The following ASS1 variants were observed in gnomAD, a reference collection of about 807,000 sequenced individuals.
ASS1 encodes the protein argininosuccinate synthase 1.
Under a neutral mutation model 60.5 loss-of-function variants are expected in ASS1, and 58 were observed. The observed-to-expected ratio is 0.96, with a 90% CI of 0.78 to 1.19. The LOEUF (loss-of-function observed/expected upper bound fraction) is 1.19. Among genes scored for constraint, ASS1 ranks in the 50% most tolerant of loss-of-function variants. ASS1 has a pLI of 0.00. For missense variants in ASS1, 454 were observed against 547.3 expected (o/e 0.83, Z 1.70); for synonymous variants, 200 against 206.9 (o/e 0.97, Z 0.29).
chr9:130,475,917 C>T (rs1173312354), intron 8 of ASS1, among the ~76,000 whole-genome samples: 1 of 151,980 alleles, frequency 6.6e-6, no homozygotes, highest in African/African-American at 2.4e-5. Flanking sequence ...CCGCCATACC[C>T]GGATAATTTC....
intron 4 of ASS1, among the ~76,000 whole-genome samples, chr9:130,462,175 C>T (rs1248259278): frequency 6.6e-6 from 1 of 152,116 alleles, no homozygotes; most frequent in African/African-American, 2.4e-5. Context: ...GAAGAGGGGC[C>T]TGGAAATATG....
At chr9:130,469,935 A>G (rs528465164) in intron 6 of ASS1, among the ~76,000 whole-genome samples, 2 of 152,230 alleles carry the variant, frequency 1.3e-5, no homozygotes, top group East Asian at 3.9e-4. Context: ...CAGAGCATCC[A>G]GTCTCGCTGG....
In ASS1 at chr9:130,477,057, C is replaced by T. The variant is rs1341285665; in HGVS notation, c.688+96C>T. ...TGGGAACCTAGGCCCTCTTTACCCC[C>T]GCCCTGCATTCCTGGAAGCTAGAGT... On this transcript the variant is annotated intron_variant, in intron 9 of 14. Coordinates refer to ENST00000352480, the MANE Select transcript of ASS1 (RefSeq NM_054012.4). This position sits in a 1 kb window ranked among gnomAD's most constrained non-coding sequence, Gnocchi z 4.2. 7 of 1,285,914 alleles carry T rather than the reference C, an allele frequency of 5.4e-6. No homozygotes were observed. The highest frequency in any genetic ancestry group is 1.8e-4 in the Middle Eastern group (1 of 5,426). The allele number at this position is 1,285,914 out of a possible 1,614,324, so 79.7% of individuals were successfully genotyped here. A position where few individuals can be genotyped will look rare whatever the true frequency, so the allele number is the denominator to read the frequency against.
chr9:130,456,209 T>C (rs1393573881), intron 3 of ASS1, among the ~76,000 whole-genome samples: 1 of 152,248 alleles, frequency 6.6e-6, no homozygotes, highest in Non-Finnish European at 1.5e-5. Context: ...CTCACGCCTG[T>C]AATCCCAGCA....
chr9:130,466,697 C>T lies in ASS1; in HGVS notation c.421-28C>T, dbSNP rs76169404. 1.6e-3 allele frequency: 2,547 copies of T among 1,610,460 alleles called. 43 individuals carry two copies. The East Asian group carries it at 0.035, about 22-fold the overall frequency. ...GGGGAAGCCCACAGCTCGGCCCTCC[C>T]GGCTCTGACCCCTTGTCCTATGTCC... On this transcript the variant is annotated intron_variant, in intron 5 of 14. Transcript: ENST00000352480.
At chr9:130,451,484 C>T (rs952797272) in intron 1 of ASS1, 6 of 289,440 alleles carry the variant, frequency 2.1e-5, no homozygotes, top group Admixed American at 1.5e-4. Context: ...AATTCAGAGG[C>T]GCTCACATTT....
rs1174700771 is a variant in ASS1, at chr9:130,494,941, G to A, written c.1045G>A (p.Val349Met). The A allele has an allele frequency of 1.2e-6, 2 of 1,613,544 alleles. No homozygotes were observed. Among genetic ancestry groups the A allele is most frequent in the Non-Finnish European group, 1.7e-6 (2 of 1,179,978 alleles). ...AKSQERVEGK[V>M]QVSVLKGQVY... ...GTCCCAGGAGCGAGTGGAAGGGAAA[G>A]TGCAGGTGTCCGTCCTCAAGGGCCA... The change falls in exon 13 of 15, where the codon GTG becomes ATG. Residue 349 changes from valine to methionine, a missense_variant. Physicochemically the swap from Val to Met is conservative, Grantham distance 21. Coordinates refer to ENST00000352480, the MANE Select transcript of ASS1 (RefSeq NM_054012.4). The surrounding 1 kb of genome is among the most constrained non-coding windows in gnomAD (Gnocchi z 4.3).
chr9:130,470,734 G>A lies in ASS1; in HGVS notation c.496-100G>A, dbSNP rs539220165. On this transcript the variant is annotated intron_variant, in intron 6 of 14. Transcript: ENST00000352480. This position sits in a 1 kb window ranked among gnomAD's most constrained non-coding sequence, Gnocchi z 4.3. ...TAGCCAGGGTCTTGTCTGAATGGGGGCCAGAGTTTGGGGCTCTCTGAAAAA... is the reference window on the plus strand; with the variant it reads ...TAGCCAGGGTCTTGTCTGAATGGGGACCAGAGTTTGGGGCTCTCTGAAAAA... The A allele has an allele frequency of 4.1e-5, 48 of 1,182,348 alleles. No individual in the cohort carries two copies. The African/African-American group carries it at 5.7e-4, about 14-fold the overall frequency. 73.2% of individuals were successfully genotyped at this position (1,182,348 alleles called of 1,614,324 possible). A position where few individuals can be genotyped will look rare whatever the true frequency, so the allele number is the denominator to read the frequency against.
At chr9:130,452,467 A>C (rs1845350633) in intron 2 of ASS1, 134 bp downstream of exon 2, 1 of 784,462 alleles carries the variant, frequency 1.3e-6, no homozygotes. Flanking sequence ...CTTCTCTCGA[A>C]GCCTGTCTTG....
At chr9:130,450,895 G>T (rs1362369611) in intron 1 of ASS1, among the ~76,000 whole-genome samples, 1 of 152,230 alleles carries the variant, frequency 6.6e-6, no homozygotes, top group Non-Finnish European at 1.5e-5. Context: ...GACTCCAGTG[G>T]AAACGTTCCC....
chr9:130,477,325 A>G lies in ASS1; in HGVS notation c.688+364A>G, dbSNP rs2118833332. On this transcript the variant is annotated intron_variant, in intron 9 of 14. Coordinates refer to ENST00000352480, the MANE Select transcript of ASS1 (RefSeq NM_054012.4). The surrounding 1 kb of genome is among the most constrained non-coding windows in gnomAD (Gnocchi z 4.2). ...CCTGCTGTTTTCCTGGGGTAGAATG[A>G]GGCCTGCAAGGGAGCGTCCAGCCCT... Among the ~76,000 whole-genome samples the G allele has an allele frequency of 6.6e-6, 1 of 152,298 alleles. No individual in the cohort carries two copies. Among genetic ancestry groups the G allele is most frequent in the Admixed American group, 6.5e-5 (1 of 15,298 alleles).
rs759923991 is a variant in ASS1 at position 130,454,391 on chromosome 9, G to A, written c.174+18G>A. On this transcript the variant is annotated intron_variant, in intron 3 of 14. Transcript: ENST00000352480. ...CCAAAAAGGTACCAGGCGGGAGGCA[G>A]GGATTTGGGCTGGGAGTGGGGCGGT... 3 of 1,612,402 alleles carry A rather than the reference G, an allele frequency of 1.9e-6. No homozygotes were observed. In the Admixed American group the frequency reaches 5.0e-5, roughly 27 times the overall value.
rs1845846456 is a variant in ASS1, at chr9:130,470,705, G to A, written c.496-129G>A. Reference sequence around the variant, plus strand: ...GGGAGGTGACCGTGACCAACACTAGGAGGTAGCCAGGGTCTTGTCTGAATG... The same window carrying A: ...GGGAGGTGACCGTGACCAACACTAGAAGGTAGCCAGGGTCTTGTCTGAATG... On this transcript the variant is annotated intron_variant, in intron 6 of 14. Transcript: ENST00000352480. The surrounding 1 kb of genome is among the most constrained non-coding windows in gnomAD (Gnocchi z 4.3). 1 of 909,472 alleles carries A rather than the reference G, an allele frequency of 1.1e-6. No homozygotes were observed. The highest frequency in any genetic ancestry group is 1.8e-6 in the Non-Finnish European group (1 of 547,314). The allele number at this position is 909,472 out of a possible 1,614,324, so 56.3% of individuals were successfully genotyped here.
intron 1 of ASS1, among the ~76,000 whole-genome samples, chr9:130,449,342 G>GAA (rs55853169): frequency 0.048 from 4,385 of 91,344 alleles, 173 homozygotes; most frequent in East Asian, 0.2. Flanking sequence ...GACCCTGTCT[G>GAA]AAAAAAAAAA....
chr9:130,450,952 G>A (rs1281687822), intron 1 of ASS1, among the ~76,000 whole-genome samples: 1 of 152,188 alleles, frequency 6.6e-6, no homozygotes, highest in Non-Finnish European at 1.5e-5. Flanking sequence ...CGGGATGCTG[G>A]GGCCAGGTGT....
rs1846029582 is a variant in ASS1 at position 130,476,776 on chromosome 9, A to G, written c.598-95A>G. The G allele has an allele frequency of 4.2e-6, 5 of 1,191,926 alleles. No individual in the cohort carries two copies. Among genetic ancestry groups the G allele is most frequent in the Non-Finnish European group, 3.8e-6 (3 of 797,178 alleles). 73.8% of individuals were successfully genotyped at this position (1,191,926 alleles called of 1,614,324 possible). On this transcript the variant is annotated intron_variant, in intron 8 of 14. Transcript: ENST00000352480. This position sits in a 1 kb window ranked among gnomAD's most constrained non-coding sequence, Gnocchi z 4.9. ...ACCCCACCAGCTGGTGGGGAAATGGACAGAGGAGAGGGGTGCAGATCCCCG... is the reference window on the plus strand; with the variant it reads ...ACCCCACCAGCTGGTGGGGAAATGGGCAGAGGAGAGGGGTGCAGATCCCCG...
intron 13 of ASS1, 44 bp from the exon 14 acceptor site, chr9:130,499,461 G>A (rs543191487): frequency 1.3e-6 from 2 of 1,598,610 alleles, no homozygotes; most frequent in African/African-American, 1.3e-5. Flanking sequence ...TTCAAGCAGA[G>A]GCCAGGGCCA....
intron 8 of ASS1, among the ~76,000 whole-genome samples, chr9:130,475,643 A>G (rs538999124): frequency 6.6e-6 from 1 of 151,818 alleles, no homozygotes; most frequent in Admixed American, 6.6e-5. Context: ...CAATTTCTTC[A>G]TCTGTTGATG....
At position 130,476,159 on chromosome 9, in the gene ASS1, A is replaced by G. The variant is rs147376838; in HGVS notation, c.598-712A>G. ...GGATGCCCACAGGAGGGACCTGAGC[A>G]GTCAGGCCCAAGAGGCCCCAGTCCC... is the stretch of plus-strand genomic sequence containing the variant. On this transcript the variant is annotated intron_variant, in intron 8 of 14. Coordinates refer to ENST00000352480, the MANE Select transcript of ASS1 (RefSeq NM_054012.4). The surrounding 1 kb of genome is among the most constrained non-coding windows in gnomAD (Gnocchi z 4.9). The G allele has an allele frequency of 4.2e-3, 647 of 152,854 alleles. 4 individuals carry two copies. Among genetic ancestry groups the G allele is most frequent in the Middle Eastern group, 0.01 (3 of 294 alleles). 9.5% of individuals were successfully genotyped at this position (152,854 alleles called of 1,614,324 possible). A position where few individuals can be genotyped will look rare whatever the true frequency, so the allele number is the denominator to read the frequency against.
Sources: gnomAD v4.1 joint callset for allele counts (sites outside exome capture counted in the v4.1 genomes callset) on GRCh38, gnomAD v4.1.1 for gene constraint, Gnocchi (gnomAD v3.1) non-coding constraint, MANE v1.5 for transcripts, NCBI Gene and HGNC (gene_info 2026-07-23, HGNC 2026-07-21) for gene names.